Variants in TIMP3 observed in about 807,000 individuals in gnomAD.
The protein encoded by TIMP3 is TIMP metallopeptidase inhibitor 3, also known as metalloproteinase inhibitor 3.
TIMP3 carries 11 observed loss-of-function variants against 30.0 expected under a neutral mutation model. That is an observed-to-expected ratio of 0.37 (90% confidence interval 0.23 to 0.61). The LOEUF (loss-of-function observed/expected upper bound fraction) is 0.61, where lower values mean the gene tolerates loss of function less well. Among genes scored for constraint, TIMP3 ranks in the 20% least tolerant of loss-of-function variants. TIMP3 has a pLI of 0.70. For synonymous variants in TIMP3, 112 were observed against 111.3 expected, an observed-to-expected ratio of 1.01 and a Z score of -0.04; for missense variants, 181 against 276.8, an observed-to-expected ratio of 0.65 and a Z score of 2.45.
chr22:32,853,564 G>A (rs1471913354), intron 2 of TIMP3, among the ~76,000 whole-genome samples: 1 of 152,200 alleles, frequency 6.6e-6, no homozygotes, highest in African/African-American at 2.4e-5. Flanking sequence ...GGAACTTTGT[G>A]TAGATGCTAC....
intron 1 of TIMP3, among the ~76,000 whole-genome samples, chr22:32,822,853 T>C (rs2047289416): frequency 6.6e-6 from 1 of 152,180 alleles, no homozygotes; most frequent in South Asian, 2.1e-4. Flanking sequence ...AGTTCTCTAT[T>C]GATGCCAGAA....
intron 1 of TIMP3, among the ~76,000 whole-genome samples, chr22:32,828,602 G>A (rs2047481048): frequency 6.6e-6 from 1 of 152,176 alleles, no homozygotes; most frequent in Non-Finnish European, 1.5e-5. Context: ...CTTCCCAGTT[G>A]GGGAAACAGG....
chr22:32,807,093 A>G (rs2046761430), intron 1 of TIMP3, among the ~76,000 whole-genome samples: 1 of 150,880 alleles, frequency 6.6e-6, no homozygotes, highest in African/African-American at 2.4e-5. Context: ...GCTGGGACCC[A>G]GTCTCCTGAC....
At chr22:32,807,901 C>A (rs970955328) in intron 1 of TIMP3, among the ~76,000 whole-genome samples, 19 of 151,950 alleles carry the variant, frequency 1.3e-4, no homozygotes, top group African/African-American at 4.6e-4. Flanking sequence ...ATGTTAGAGC[C>A]CTGTGCTTAA....
chr22:32,828,123 C>T (rs1168014175), intron 1 of TIMP3, among the ~76,000 whole-genome samples: 1 of 152,226 alleles, frequency 6.6e-6, no homozygotes, highest in South Asian at 2.1e-4. Flanking sequence ...ATACTTGAAA[C>T]TCTAACATTT....
chr22:32,836,263 G>A (rs2047727419), intron 1 of TIMP3, among the ~76,000 whole-genome samples: 1 of 152,198 alleles, frequency 6.6e-6, no homozygotes, highest in Admixed American at 6.5e-5. Context: ...CTGGCACATA[G>A]TAAGTGCTCA....
At chr22:32,852,501 C>A (rs2048249084) in intron 2 of TIMP3, among the ~76,000 whole-genome samples, 1 of 152,006 alleles carries the variant, frequency 6.6e-6, no homozygotes, top group African/African-American at 2.4e-5. Flanking sequence ...GGCACTGGTC[C>A]CTGGGAGACT....
At chr22:32,806,241 T>C (rs1007366244) in intron 1 of TIMP3, among the ~76,000 whole-genome samples, 4 of 152,126 alleles carry the variant, frequency 2.6e-5, no homozygotes, top group African/African-American at 9.7e-5. Flanking sequence ...GGTGCCCCTC[T>C]GACAGTTCTG....
intron 1 of TIMP3, among the ~76,000 whole-genome samples, chr22:32,803,840 GC>G (rs1240148430): frequency 6.6e-6 from 1 of 152,190 alleles, no homozygotes. Flanking sequence ...GACTTCACTT[GC>G]GTTTTTTTGG....
At chr22:32,849,328 A>C in intron 1 of TIMP3, 124 bp from the exon 2 acceptor site, 1 of 767,856 alleles carries the variant, frequency 1.3e-6, no homozygotes, top group South Asian at 1.5e-5. Flanking sequence ...CATCTATTCC[A>C]GTTGGCTCCA....
At chr22:32,815,107 C>T (rs1195385531) in intron 1 of TIMP3, among the ~76,000 whole-genome samples, 1 of 152,214 alleles carries the variant, frequency 6.6e-6, no homozygotes, top group African/African-American at 2.4e-5. Context: ...CATGTTAATA[C>T]TACAGCACAG....
rs183317653 is a variant in TIMP3, at chr22:32,831,852, C to A, written c.122-17600C>A. 3.1e-3 allele frequency among the ~76,000 whole-genome samples: 465 copies of A among 152,236 alleles called. 2 individuals carry two copies. The highest frequency in any genetic ancestry group is 4.1e-3 in the Non-Finnish European group (276 of 68,018). On this transcript the variant is annotated intron_variant, in intron 1 of 4. Coordinates refer to ENST00000266085, the MANE Select transcript of TIMP3 (RefSeq NM_000362.5). ...GGAAAATAGGATGTCACTGCACCCC[C>A]CCCAACCTCCACCAAAAAAAGACAG...
chr22:32,856,190 G>A (rs867355801), intron 2 of TIMP3, among the ~76,000 whole-genome samples: 19 of 152,262 alleles, frequency 1.2e-4, no homozygotes, highest in Middle Eastern at 3.4e-3. Context: ...CTGAGTTCAC[G>A]GGACTCAGGT....
Position 32,849,626 on chromosome 22 carries a change from GGT to G in TIMP3, c.204+99_204+100del. The G allele has an allele frequency of 1.8e-6, 2 of 1,122,646 alleles. 1 individual carries two copies. Among genetic ancestry groups the G allele is most frequent in the South Asian group, 2.6e-5 (2 of 75,636 alleles). The allele number at this position is 1,122,646 out of a possible 1,614,324, so 69.5% of individuals were successfully genotyped here. A position where few individuals can be genotyped will look rare whatever the true frequency, so the allele number is the denominator to read the frequency against. On this transcript the variant is annotated intron_variant, in intron 2 of 4. Coordinates refer to ENST00000266085, the MANE Select transcript of TIMP3 (RefSeq NM_000362.5). The stretch of plus-strand genomic sequence containing the variant: ...GGGAGGCAAAGTGGGTTGGAACTGG[GGT>G]GTGTGTCTAAGCACCAGCCAGACCC...
intron 1 of TIMP3, among the ~76,000 whole-genome samples, chr22:32,841,907 G>A (rs1283363952): frequency 1.6e-4 from 24 of 152,144 alleles, no homozygotes; most frequent in Admixed American, 1.6e-3. Context: ...GCAAAAGCGT[G>A]GGAGCTGTCA....
In TIMP3 at chr22:32,849,493, G is replaced by C; in HGVS notation, c.163G>C (p.Gly55Arg). 1 of 1,613,802 alleles carries C rather than the reference G, an allele frequency of 6.2e-7. No homozygotes were observed. Among genetic ancestry groups the C allele is most frequent in the Non-Finnish European group, 8.5e-7 (1 of 1,179,896 alleles). The change falls in exon 2 of 5, where the codon GGG becomes CGG. Residue 55 changes from glycine to arginine, a missense_variant. Physicochemically the swap from Gly to Arg is moderately radical, Grantham distance 125 (BLOSUM62 -2). This residue lies in a region of TIMP3 where 71 missense variants were observed against 79.7 expected (regional missense o/e 0.89). Transcript: ENST00000266085. ...GGTGGGGAAGAAGCTGGTAAAGGAG[G>C]GGCCCTTCGGCACGCTGGTCTACAC... The part of the protein sequence containing the change: ...KVVGKKLVKE[G>R]PFGTLVYTIK...
At chr22:32,851,977 G>A (rs1163894936) in intron 2 of TIMP3, among the ~76,000 whole-genome samples, 2 of 152,150 alleles carry the variant, frequency 1.3e-5, no homozygotes, top group Non-Finnish European at 2.9e-5. Context: ...TCTGTGCTTA[G>A]TACTGTACTA....
At chr22:32,843,403 G>T (rs2047969326) in intron 1 of TIMP3, among the ~76,000 whole-genome samples, 1 of 152,196 alleles carries the variant, frequency 6.6e-6, no homozygotes, top group Admixed American at 6.5e-5. Context: ...TGCCCTCCTT[G>T]GGCAGGCTAC....
At chr22:32,824,939 G>A (rs924247852) in intron 1 of TIMP3, among the ~76,000 whole-genome samples, 16 of 152,154 alleles carry the variant, frequency 1.1e-4, no homozygotes, top group African/African-American at 3.4e-4. Flanking sequence ...TTGGGGAGGC[G>A]GCTTTGAGCA....
Sources: gnomAD v4.1 joint callset for allele counts (sites outside exome capture counted in the v4.1 genomes callset) on GRCh38, gnomAD v4.1.1 for gene constraint, gnomAD v4.1.1 regional missense constraint, MANE v1.5 for transcripts, NCBI Gene and HGNC (gene_info 2026-07-23, HGNC 2026-07-21) for gene names.